Variants in TBX20 observed in about 807,000 individuals in gnomAD.
TBX20 encodes the protein T-box transcription factor TBX20.
Under a neutral mutation model 42.9 loss-of-function variants are expected in TBX20, and 8 were observed. The ratio of observed to expected loss-of-function variants is 0.19; its 90% CI spans 0.11 to 0.34. The LOEUF (loss-of-function observed/expected upper bound fraction) is 0.34, where lower values mean the gene tolerates loss of function less well. TBX20 is among the 10% of genes least tolerant of loss of function. The probability of loss-of-function intolerance (pLI) is 1.00; values close to 1 mark genes in which losing one functional copy is unlikely to be tolerated. For missense variants in TBX20, 411 were observed against 566.0 expected (o/e 0.73, Z 2.78); for synonymous variants, 198 against 222.8 (o/e 0.89, Z 0.99).
chr7:35,244,700 A>C (rs752302494), intron 4 of TBX20, among the ~76,000 whole-genome samples: 17 of 152,218 alleles, frequency 1.1e-4, no homozygotes, highest in Non-Finnish European at 1.5e-4. Flanking sequence ...CAGAAGCCTT[A>C]GGAATTCCAT....
chr7:35,243,702 AAAAC>A (rs1475654904), intron 4 of TBX20, among the ~76,000 whole-genome samples: 11 of 152,258 alleles, frequency 7.2e-5, no homozygotes, highest in African/African-American at 2.4e-4. Flanking sequence ...CATGTTAAAA[AAAAC>A]AAAAGAAAAT....
chr7:35,212,082 C>G (rs909506864), intron 6 of TBX20, among the ~76,000 whole-genome samples: 1 of 152,076 alleles, frequency 6.6e-6, no homozygotes, highest in African/African-American at 2.4e-5. Context: ...TGAAATTTTC[C>G]CACAACTGAC....
chr7:35,241,152 G>T (rs1790070964), intron 4 of TBX20, 115 bp from the exon 5 acceptor site: 1 of 836,644 alleles, frequency 1.2e-6, no homozygotes, highest in Admixed American at 2.0e-5. Context: ...TCAATTTTAA[G>T]ATATGGATCT....
intron 5 of TBX20, among the ~76,000 whole-genome samples, chr7:35,233,082 T>A (rs185514035): frequency 6.6e-6 from 1 of 152,370 alleles, no homozygotes; most frequent in East Asian, 1.9e-4. Context: ...AGTCAAAGTA[T>A]ATCTATAGAA....
chr7:35,246,495 A>G (rs1397479799), intron 3 of TBX20, among the ~76,000 whole-genome samples: 2 of 152,238 alleles, frequency 1.3e-5, no homozygotes, highest in Non-Finnish European at 1.5e-5. Context: ...CATTCACCAC[A>G]TGTAATGGCT....
intron 6 of TBX20, among the ~76,000 whole-genome samples, chr7:35,230,012 G>A (rs1350528987): frequency 4.0e-5 from 6 of 151,736 alleles, no homozygotes; most frequent in South Asian, 4.2e-4. Context: ...AATATATCAC[G>A]TGTACCCCCA....
At chr7:35,204,430 C>G (rs1388237087) in intron 7 of TBX20, 40 bp downstream of exon 7, 3 of 1,411,776 alleles carry the variant, frequency 2.1e-6, no homozygotes, top group Admixed American at 3.4e-5. Flanking sequence ...TTTAGGTGCT[C>G]TGCCTCCCAG....
chr7:35,246,374 A>G (rs1790185931), intron 3 of TBX20, among the ~76,000 whole-genome samples: 1 of 152,164 alleles, frequency 6.6e-6, no homozygotes, highest in Non-Finnish European at 1.5e-5. Flanking sequence ...CCAAGACTGT[A>G]GCTTTATAGG....
intron 5 of TBX20, among the ~76,000 whole-genome samples, chr7:35,233,002 A>G (rs1361140586): frequency 6.6e-6 from 1 of 152,232 alleles, no homozygotes; most frequent in East Asian, 1.9e-4. Flanking sequence ...CCTGGGCGAC[A>G]AGAGCGAGAG....
At chr7:35,251,182 T>C (rs542466392) in intron 1 of TBX20, among the ~76,000 whole-genome samples, 3 of 152,220 alleles carry the variant, frequency 2.0e-5, no homozygotes, top group Non-Finnish European at 4.4e-5. Context: ...CCCAATTATC[T>C]TCCATCCCTT....
chr7:35,206,984 T>C (rs1010894782), intron 6 of TBX20, among the ~76,000 whole-genome samples: 30 of 151,972 alleles, frequency 2.0e-4, no homozygotes, highest in African/African-American at 6.8e-4. Flanking sequence ...CACATATTCA[T>C]GCATACTTTT....
In TBX20 at chr7:35,253,630, C is replaced by A. The variant is rs375959821; in HGVS notation, c.-10G>T. 6 of 1,610,952 alleles carry A rather than the reference C, an allele frequency of 3.7e-6. No individual in the cohort carries two copies. The African/African-American group carries it at 6.7e-5, about 18-fold the overall frequency. On this transcript the variant is annotated 5_prime_UTR_variant, in exon 1 of 8. Coordinates refer to ENST00000408931, the MANE Select transcript of TBX20 (RefSeq NM_001077653.2). ...ACGCCGTGAACTCCATGGTCCCCAG[C>A]ACGCGGTCCTGGCCAGGGACGGGGT...
intron 4 of TBX20, among the ~76,000 whole-genome samples, chr7:35,242,280 G>A (rs1357621264): frequency 6.6e-6 from 1 of 152,190 alleles, no homozygotes; most frequent in Non-Finnish European, 1.5e-5. Flanking sequence ...TTTTAACTGC[G>A]ATTGAATTTT....
At position 35,214,877 on chromosome 7, in the gene TBX20, C is replaced by T. The variant is rs1453501017; in HGVS notation, c.891-10295G>A. Among the ~76,000 whole-genome samples the T allele has an allele frequency of 2.6e-5, 4 of 152,074 alleles. No individual in the cohort carries two copies. The East Asian group carries it at 7.7e-4, about 29-fold the overall frequency. On this transcript the variant is annotated intron_variant, in intron 6 of 7. Transcript: ENST00000408931. ...AATATCTTGGAAGATATTTTTTGTA[C>T]ATTTATAAAGGATTTGCTGTCCATG...
intron 6 of TBX20, among the ~76,000 whole-genome samples, chr7:35,221,139 G>A (rs1412643453): frequency 2.0e-5 from 3 of 151,820 alleles, no homozygotes; most frequent in East Asian, 1.9e-4. Context: ...TTAACTTTAA[G>A]AAGATAATTT....
chr7:35,217,710 C>T (rs1053456121), intron 6 of TBX20, among the ~76,000 whole-genome samples: 3 of 152,036 alleles, frequency 2.0e-5, no homozygotes, highest in Admixed American at 2.0e-4. Context: ...AATTAACATA[C>T]TTTATTTAAA....
chr7:35,239,079 A>G (rs554909333), intron 5 of TBX20, among the ~76,000 whole-genome samples: 1 of 152,172 alleles, frequency 6.6e-6, no homozygotes, highest in East Asian at 1.9e-4. Flanking sequence ...CCTAATATCT[A>G]GGTAAGGAAA....
At chr7:35,208,338 C>A (rs574638451) in intron 6 of TBX20, among the ~76,000 whole-genome samples, 1 of 152,116 alleles carries the variant, frequency 6.6e-6, no homozygotes, top group Non-Finnish European at 1.5e-5. Context: ...TAGATATTCA[C>A]GATGCCTGTA....
At position 35,249,819 on chromosome 7, in the gene TBX20, C is replaced by G. The variant is rs1790268405; in HGVS notation, c.380+132G>C. 7 of 1,024,594 alleles carry G rather than the reference C, an allele frequency of 6.8e-6. No individual in the cohort carries two copies. The East Asian group carries it at 1.5e-4, about 22-fold the overall frequency. The allele number at this position is 1,024,594 out of a possible 1,614,324, so 63.5% of individuals were successfully genotyped here. On this transcript the variant is annotated intron_variant, in intron 2 of 7. Coordinates refer to ENST00000408931, the MANE Select transcript of TBX20 (RefSeq NM_001077653.2). This position sits in a 1 kb window ranked among gnomAD's most constrained non-coding sequence, Gnocchi z 4.3. ...CCTAATGCAAGCTGGTGGAAAGCAG[C>G]TGCCCTGGAGCCAAGCTGTCTCTCC...
Sources: gnomAD v4.1 joint callset for allele counts (sites outside exome capture counted in the v4.1 genomes callset) on GRCh38, gnomAD v4.1.1 for gene constraint, Gnocchi (gnomAD v3.1) non-coding constraint, MANE v1.5 for transcripts, NCBI Gene and HGNC (gene_info 2026-07-23, HGNC 2026-07-21) for gene names.